The following PXK variants were observed in gnomAD, a reference collection of about 807,000 sequenced individuals.
The protein encoded by PXK is PX domain containing serine/threonine kinase like.
In PXK, 35 loss-of-function variants were observed where a neutral mutation model predicts 84.7. That is an observed-to-expected ratio of 0.41 (90% CI 0.32 to 0.55). The LOEUF (loss-of-function observed/expected upper bound fraction) is 0.55. Among genes scored for constraint, PXK ranks in the 20% least tolerant of loss-of-function variants. PXK has a pLI of 0.21. For missense variants in PXK, 634 were observed against 699.7 expected, an observed-to-expected ratio of 0.91 and a Z score of 1.06; for synonymous variants, 253 against 260.8, an observed-to-expected ratio of 0.97 and a Z score of 0.29.
Position 58,390,518 on chromosome 3 carries a change from T to A in PXK, c.389-64T>A, listed in dbSNP as rs2098617237. ...ATAGGGATTTCATTTACAAGAATAA[T>A]ATCTTCAGCATATGGCCCTTTCCTG... On this transcript the variant is annotated intron_variant, in intron 4 of 17. Transcript: ENST00000356151. This position sits in a 1 kb window ranked among gnomAD's most constrained non-coding sequence, Gnocchi z 4.2. The A allele has an allele frequency of 8.2e-7, 1 of 1,215,652 alleles. No individual in the cohort carries two copies. The allele number at this position is 1,215,652 out of a possible 1,614,324, so 75.3% of individuals were successfully genotyped here.
chr3:58,415,450 A>T (rs2060811614), intron 17 of PXK, among the ~76,000 whole-genome samples: 1 of 152,238 alleles, frequency 6.6e-6, no homozygotes, highest in Admixed American at 6.5e-5. Flanking sequence ...GTTACAAAGG[A>T]TACAGATGAA....
Position 58,425,016 on chromosome 3 carries a change from C to A in PXK, c.*56C>A. On this transcript the variant is annotated 3_prime_UTR_variant, in exon 18 of 18. Coordinates refer to ENST00000356151, the MANE Select transcript of PXK (RefSeq NM_017771.5). ...TCTTTTTTATTCCTACTCACCCCTA[C>A]CCCCCAAACTACCCTCTTCCTGGGA... is the stretch of plus-strand genomic sequence containing the variant. 1 of 1,589,112 alleles carries A rather than the reference C, an allele frequency of 6.3e-7. No individual in the cohort carries two copies. The highest frequency in any genetic ancestry group is 8.6e-7 in the Non-Finnish European group (1 of 1,166,936).
intron 1 of PXK, among the ~76,000 whole-genome samples, chr3:58,351,908 G>A (rs1430782819): frequency 6.6e-6 from 1 of 152,172 alleles, no homozygotes; most frequent in Non-Finnish European, 1.5e-5. Context: ...CTTTGTGTTT[G>A]CTATTTTCTT....
Position 58,412,756 on chromosome 3 carries a change from GT to G in PXK, c.1466-139del. On this transcript the variant is annotated intron_variant, in intron 16 of 17. Transcript: ENST00000356151. This position sits in a 1 kb window ranked among gnomAD's most constrained non-coding sequence, Gnocchi z 6.2. The stretch of plus-strand genomic sequence containing the variant: ...GCCTGTCACTGGGTCCGGTCTCTGA[GT>G]TTTTTGTCCCTCATCATCTTGTTTC... 5 of 800,312 alleles carry G rather than the reference GT, an allele frequency of 6.2e-6. No individual in the cohort carries two copies. The South Asian group carries it at 7.8e-5, about 12-fold the overall frequency. 49.6% of individuals were successfully genotyped at this position (800,312 alleles called of 1,614,324 possible).
intron 1 of PXK, among the ~76,000 whole-genome samples, chr3:58,354,186 G>A (rs1205421527): frequency 2.0e-5 from 3 of 152,068 alleles, no homozygotes; most frequent in East Asian, 1.9e-4. Flanking sequence ...GTTCTTTCTT[G>A]CTCCTTTAAA....
intron 17 of PXK, among the ~76,000 whole-genome samples, chr3:58,417,118 T>C (rs1401231376): frequency 6.6e-6 from 1 of 152,088 alleles, no homozygotes; most frequent in African/African-American, 2.4e-5. Flanking sequence ...GTTGCCCAGG[T>C]TGGTATCAAA....
chr3:58,414,710 C>T lies in PXK; in HGVS notation c.1528+1747C>T, dbSNP rs1171870723. On this transcript the variant is annotated intron_variant, in intron 17 of 17. Coordinates refer to ENST00000356151, the MANE Select transcript of PXK (RefSeq NM_017771.5). The surrounding 1 kb of genome is among the most constrained non-coding windows in gnomAD (Gnocchi z 4.5). ...AGTGCCTGGCAGAGATGAGAGGTTC[C>T]CAGCAAATATTGGCTCCTCCTTTCT... is the stretch of plus-strand genomic sequence containing the variant. Among the ~76,000 whole-genome samples the T allele has an allele frequency of 6.6e-6, 1 of 152,030 alleles. No individual in the cohort carries two copies. Among genetic ancestry groups the T allele is most frequent in the East Asian group, 1.9e-4 (1 of 5,196 alleles).
intron 2 of PXK, among the ~76,000 whole-genome samples, chr3:58,367,820 CT>C (rs1333625708): frequency 6.6e-6 from 1 of 152,084 alleles, no homozygotes; most frequent in Non-Finnish European, 1.5e-5. Flanking sequence ...GTAGCTGGAA[CT>C]ATAGGCAGGT....
intron 1 of PXK, among the ~76,000 whole-genome samples, chr3:58,354,447 AG>A (rs202157149): frequency 3.3e-4 from 47 of 141,260 alleles, no homozygotes; most frequent in African/African-American, 7.4e-4. Context: ...GCTGCTTCCT[AG>A]TTTTTTTTTT....
intron 3 of PXK, among the ~76,000 whole-genome samples, chr3:58,375,472 G>A (rs1020269768): frequency 2.6e-5 from 4 of 152,072 alleles, no homozygotes; most frequent in Non-Finnish European, 5.9e-5. Flanking sequence ...TTTTTTCTGT[G>A]CCTGTGTAAC....
intron 13 of PXK, among the ~76,000 whole-genome samples, chr3:58,405,882 A>G (rs1451643140): frequency 6.6e-6 from 1 of 152,250 alleles, no homozygotes; most frequent in Non-Finnish European, 1.5e-5. Context: ...AATTCAGAAC[A>G]TAAATCTCTC....
chr3:58,355,140 A>AC lies in PXK; in HGVS notation c.103-10734_103-10733insC, dbSNP rs1370657192. Among the ~76,000 whole-genome samples the AC allele has an allele frequency of 1.0e-3, 70 of 67,750 alleles. 1 individual carries two copies. Among genetic ancestry groups the AC allele is most frequent in the Admixed American group, 9.5e-3 (70 of 7,362 alleles). 44.4% of individuals were successfully genotyped at this position (67,750 alleles called of 152,430 possible). ...CTCTGTCTCAAAGAAAAGGAAAAAAAAAAAAAGAAAAAACAGAAGACCCGC... is the reference window on the plus strand; with the variant it reads ...CTCTGTCTCAAAGAAAAGGAAAAAAACAAAAAAGAAAAAACAGAAGACCCGC... On this transcript the variant is annotated intron_variant, in intron 1 of 17. Transcript: ENST00000356151.
Position 58,333,066 on chromosome 3 carries a change from G to A in PXK, c.78G>A (p.Ala26=), listed in dbSNP as rs757470361. The change falls in exon 1 of 18, where the codon GCG becomes GCA. Residue 26 remains alanine, a synonymous_variant. Transcript: ENST00000356151. The surrounding 1 kb of genome is among the most constrained non-coding windows in gnomAD (Gnocchi z 5.4). ...TGCCGCTGACAGCAGCCATCGAGGC[G>A]AGCCAGAGCCTGCAGTCCCACACGG... The part of the protein sequence containing the change: ...DTVPLTAAIE[A]SQSLQSHTEY... 85 of 1,328,524 alleles carry A rather than the reference G, an allele frequency of 6.4e-5. No homozygotes were observed. In the South Asian group the frequency reaches 1.3e-3, roughly 20 times the overall value. 82.3% of individuals were successfully genotyped at this position (1,328,524 alleles called of 1,614,324 possible).
At chr3:58,365,997 C>A in intron 2 of PXK, 73 bp downstream of exon 2, 3 of 1,273,442 alleles carry the variant, frequency 2.4e-6, no homozygotes, top group South Asian at 2.8e-5. Context: ...TGACTTGGGG[C>A]CTCTGAAAGT....
At chr3:58,423,268 A>T (rs533565650) in intron 17 of PXK, 14 of 972,896 alleles carry the variant, frequency 1.4e-5, no homozygotes, top group Non-Finnish European at 1.6e-5. Flanking sequence ...CTGGTGACAT[A>T]AAGCCAGGAA....
chr3:58,372,680 G>A (rs907299588), intron 3 of PXK, among the ~76,000 whole-genome samples: 2 of 151,354 alleles, frequency 1.3e-5, no homozygotes, highest in Non-Finnish European at 2.9e-5. Flanking sequence ...AAACTGGAAT[G>A]CAGTGGCGTG....
In PXK at chr3:58,421,135, G is replaced by A. The variant is rs1264149999; in HGVS notation, c.1529-3617G>A. 2.0e-6 allele frequency: 2 copies of A among 985,296 alleles called. No individual in the cohort carries two copies. Among genetic ancestry groups the A allele is most frequent in the African/African-American group, 3.5e-5 (2 of 57,212 alleles). 61.0% of individuals were successfully genotyped at this position (985,296 alleles called of 1,614,324 possible). A position where few individuals can be genotyped will look rare whatever the true frequency, so the allele number is the denominator to read the frequency against. Reference sequence around the variant, plus strand: ...GAGAGCTGGGGGCTTGCCTGCTTCGGTTCTCTCCTGAGGGTGGCTGGTAAG... The same window carrying A: ...GAGAGCTGGGGGCTTGCCTGCTTCGATTCTCTCCTGAGGGTGGCTGGTAAG... On this transcript the variant is annotated intron_variant, in intron 17 of 17. Transcript: ENST00000356151. The surrounding 1 kb of genome is among the most constrained non-coding windows in gnomAD (Gnocchi z 5.5).
intron 17 of PXK, among the ~76,000 whole-genome samples, chr3:58,419,976 G>C (rs1189490479): frequency 6.6e-6 from 1 of 152,264 alleles, no homozygotes; most frequent in Non-Finnish European, 1.5e-5. Context: ...GAGGGGCCCA[G>C]TGCTTCCGCC....
chr3:58,420,678 G>T, intron 17 of PXK: 1 of 1,514,250 alleles, frequency 6.6e-7, no homozygotes, highest in Non-Finnish European at 8.8e-7. Context: ...TGGGAAAGCA[G>T]ATTTGAGACT....
Sources: allele counts gnomAD v4.1 joint callset (sites outside exome capture counted in the v4.1 genomes callset), GRCh38; gene constraint gnomAD v4.1.1; non-coding constraint Gnocchi (gnomAD v3.1); transcripts MANE v1.5; gene names NCBI Gene and HGNC (gene_info 2026-07-23, HGNC 2026-07-21).